The following RAD54L2 variants were observed in gnomAD, a reference collection of about 807,000 sequenced individuals.
RAD54L2 encodes the protein RAD54 like 2.
A neutral mutation model predicts 138.4 loss-of-function variants in RAD54L2; 27 were observed. That is an observed-to-expected ratio of 0.20 (90% CI 0.14 to 0.27). The LOEUF is 0.27. Among genes scored for constraint, RAD54L2 ranks in the 10% least tolerant of loss-of-function variants. The probability of loss-of-function intolerance (pLI) is 1.00; values close to 1 mark genes in which losing one functional copy is unlikely to be tolerated. For synonymous variants in RAD54L2, 644 were observed against 723.2 expected (o/e 0.89, Z 1.76); for missense variants, 1,396 against 1,890.2 (o/e 0.74, Z 4.85).
In RAD54L2 at chr3:51,665,057, A is replaced by T. The variant is rs1258836563; in HGVS notation, c.*1637A>T. ...GAGCCCTAAGTCTGGGTTTTATCTT[A>T]AAAGAACACACCAGTCATTCTGGGT... On this transcript the variant is annotated 3_prime_UTR_variant, in exon 23 of 23. Transcript: ENST00000684192. 6.6e-6 allele frequency: 1 copy of T among 152,146 alleles called. No individual in the cohort carries two copies. Among genetic ancestry groups the T allele is most frequent in the Non-Finnish European group, 1.5e-5 (1 of 68,028 alleles). The allele number at this position is 152,146 out of a possible 1,614,324, so 9.4% of individuals were successfully genotyped here. A position where few individuals can be genotyped will look rare whatever the true frequency, so the allele number is the denominator to read the frequency against.
Position 51,645,680 on chromosome 3 carries a change from C to G in RAD54L2, c.2746C>G (p.Pro916Ala). Residue 916 changes from proline (P) to alanine (A), a missense_variant, in exon 18 of 23, where the codon CCC becomes GCC. By Grantham distance (27) the Pro-to-Ala change is conservative (BLOSUM62 -1). Around this residue, in one of 7 missense-constraint regions of RAD54L2, gnomAD observed 78 missense variants for 171.6 expected, o/e 0.45. Transcript: ENST00000684192. This position sits in a 1 kb window ranked among gnomAD's most constrained non-coding sequence, Gnocchi z 6.1. ...LLHFVEKEPA[P>A]QVSLNVKGIK... ...GCACTTTGTTGAGAAGGAGCCAGCTCCCCAAGTTTCCTTGAACGTAAAGGG... is the reference window on the plus strand; with the variant it reads ...GCACTTTGTTGAGAAGGAGCCAGCTGCCCAAGTTTCCTTGAACGTAAAGGG... 1 of 1,612,428 alleles carries G rather than the reference C, an allele frequency of 6.2e-7. No homozygotes were observed. Among genetic ancestry groups the G allele is most frequent in the South Asian group, 1.1e-5 (1 of 90,520 alleles).
intron 3 of RAD54L2, among the ~76,000 whole-genome samples, chr3:51,594,860 CTTTTTTTTTTTTTT>C (rs71278623): frequency 5.1e-4 from 17 of 33,600 alleles, no homozygotes; most frequent in Admixed American, 3.5e-3. Flanking sequence ...TTGATGGGCG[CTTTTTTTTTTTTTT>C]TTTTTTTTTT....
At chr3:51,605,451 GTTT>G (rs56187003) in intron 3 of RAD54L2, among the ~76,000 whole-genome samples, 2 of 109,244 alleles carry the variant, frequency 1.8e-5, no homozygotes, top group Non-Finnish European at 3.4e-5. Flanking sequence ...GAATTTGAGG[GTTT>G]TTTTTTTTTT....
At chr3:51,571,184 A>T (rs1699330021) in intron 2 of RAD54L2, among the ~76,000 whole-genome samples, 1 of 151,468 alleles carries the variant, frequency 6.6e-6, no homozygotes, top group Non-Finnish European at 1.5e-5. Context: ...TTTGATCATC[A>T]TTTTTTTTCT....
intron 3 of RAD54L2, among the ~76,000 whole-genome samples, chr3:51,617,678 T>A (rs1170137778): frequency 6.6e-6 from 1 of 152,084 alleles, no homozygotes; most frequent in African/African-American, 2.4e-5. Flanking sequence ...GAGTTTAAGA[T>A]CAGCCTGGGC....
intron 19 of RAD54L2, among the ~76,000 whole-genome samples, chr3:51,653,961 A>G (rs895174730): frequency 6.6e-6 from 1 of 152,150 alleles, no homozygotes; most frequent in Non-Finnish European, 1.5e-5. Context: ...AAACTTGACA[A>G]ATGAGGTTCC....
At chr3:51,570,889 T>G (rs910544052) in intron 2 of RAD54L2, among the ~76,000 whole-genome samples, 1 of 152,150 alleles carries the variant, frequency 6.6e-6, no homozygotes, top group African/African-American at 2.4e-5. Context: ...TGGCATGATC[T>G]TGGCCCACTA....
rs763939768 is a variant in RAD54L2 at position 51,567,941 on chromosome 3, C to CAAA, written c.-54-22408_-54-22406dup. ...TGGGTGACAGAGCAAGACCCTGTCT[C>CAAA]AAAAAAAAAAAAAAAAAAAAGAATG... On this transcript the variant is annotated intron_variant, in intron 2 of 22. Coordinates refer to ENST00000684192, the MANE Select transcript of RAD54L2 (RefSeq NM_015106.4). Among the ~76,000 whole-genome samples the CAAA allele has an allele frequency of 5.5e-3, 449 of 81,658 alleles. 2 individuals are homozygous for CAAA. Among genetic ancestry groups the CAAA allele is most frequent in the African/African-American group, 0.019 (416 of 22,436 alleles). 53.6% of individuals were successfully genotyped at this position (81,658 alleles called of 152,430 possible).
At chr3:51,622,997 C>T (rs754406580) in intron 3 of RAD54L2, among the ~76,000 whole-genome samples, 6 of 152,346 alleles carry the variant, frequency 3.9e-5, no homozygotes, top group African/African-American at 9.6e-5. Flanking sequence ...TGTTACTGCT[C>T]TTGGGCACTT....
intron 18 of RAD54L2, among the ~76,000 whole-genome samples, chr3:51,646,017 A>AG (rs1490608357): frequency 1.3e-5 from 2 of 152,152 alleles, no homozygotes. Flanking sequence ...GCAGAAAGAG[A>AG]GGGGGAAAGT....
At chr3:51,630,635 G>A in intron 6 of RAD54L2, 70 bp from the exon 7 acceptor site, 1 of 1,302,400 alleles carries the variant, frequency 7.7e-7, no homozygotes, top group African/African-American at 1.5e-5. Context: ...GTAGTCTTCT[G>A]CTCTGACTGT....
rs554126021 is a variant in RAD54L2 at position 51,579,282 on chromosome 3, G to T, written c.-54-11085G>T. Among the ~76,000 whole-genome samples, 286 of 151,680 alleles carry T rather than the reference G, an allele frequency of 1.9e-3. 6 individuals carry two copies. The South Asian group carries it at 0.056, about 29-fold the overall frequency. On this transcript the variant is annotated intron_variant, in intron 2 of 22. Coordinates refer to ENST00000684192, the MANE Select transcript of RAD54L2 (RefSeq NM_015106.4). ...CCTGGGATTTTTATGGGTGCAGGAT[G>T]GGGGGCAGGGCGGGCCATGGGTGGT...
At chr3:51,542,661 C>G (rs1448326317) in intron 2 of RAD54L2, among the ~76,000 whole-genome samples, 1 of 152,080 alleles carries the variant, frequency 6.6e-6, no homozygotes, top group Non-Finnish European at 1.5e-5. Flanking sequence ...GATGGGGTTT[C>G]ATCGTGTTAG....
chr3:51,643,831 T>G, intron 15 of RAD54L2, 44 bp from the exon 16 acceptor site: 1 of 1,444,012 alleles, frequency 6.9e-7, no homozygotes, highest in Non-Finnish European at 9.6e-7. Context: ...CTGTATATCC[T>G]TGCTCTAATA....
Position 51,663,261 on chromosome 3 carries a change from C to G in RAD54L2, c.4245C>G (p.Ile1415Met). 1 of 1,613,984 alleles carries G rather than the reference C, an allele frequency of 6.2e-7. No homozygotes were observed. Among genetic ancestry groups the G allele is most frequent in the Non-Finnish European group, 8.5e-7 (1 of 1,179,886 alleles). ...LPSNLSRGMS[I>M]YPGYMSPHAG... ...GCAACCTTTCGCGGGGCATGTCTAT[C>G]TATCCAGGCTACATGTCCCCACATG... The change falls in exon 23 of 23, where the codon ATC becomes ATG. Residue 1415 changes from isoleucine (I) to methionine (M), a missense_variant. Transcript: ENST00000684192.
Position 51,662,865 on chromosome 3 carries a change from G to A in RAD54L2, c.3849G>A (p.Pro1283=), listed in dbSNP as rs369815376. 3.0e-5 allele frequency: 49 copies of A among 1,613,486 alleles called. No homozygotes were observed. Among genetic ancestry groups the A allele is most frequent in the Admixed American group, 5.0e-5 (3 of 59,974 alleles). ...GTCATCTGCCAGCCCCCGTGCAGCC[G>A]TATGAACACGGGTATCCAGTCTCTG... ...RKGHLPAPVQ[P]YEHGYPVSGG... The change falls in exon 23 of 23, where the codon CCG becomes CCA. Residue 1283 remains proline (P), a synonymous_variant. Coordinates refer to ENST00000684192, the MANE Select transcript of RAD54L2 (RefSeq NM_015106.4). The surrounding 1 kb of genome is among the most constrained non-coding windows in gnomAD (Gnocchi z 4.6).
intron 3 of RAD54L2, among the ~76,000 whole-genome samples, chr3:51,618,324 A>G (rs1319413598): frequency 6.6e-6 from 1 of 151,872 alleles, no homozygotes; most frequent in Admixed American, 6.6e-5. Context: ...GTGTCTTTTG[A>G]GGAGCAGAGG....
intron 2 of RAD54L2, among the ~76,000 whole-genome samples, chr3:51,545,056 TTATCTG>T (rs1366823665): frequency 6.6e-6 from 1 of 152,218 alleles, no homozygotes; most frequent in African/African-American, 2.4e-5. Context: ...GACTATAAAA[TTATCTG>T]TATCCGTTTT....
chr3:51,651,019 CA>C (rs1201965604), intron 19 of RAD54L2, among the ~76,000 whole-genome samples: 2 of 151,676 alleles, frequency 1.3e-5, no homozygotes, highest in African/African-American at 2.4e-5. Context: ...AAAAGAGCAA[CA>C]AAATAGATAG....
Sources: allele counts gnomAD v4.1 joint callset (sites outside exome capture counted in the v4.1 genomes callset), GRCh38; gene constraint gnomAD v4.1.1; regional missense constraint gnomAD v4.1.1; non-coding constraint Gnocchi (gnomAD v3.1); transcripts MANE v1.5; gene names NCBI Gene and HGNC (gene_info 2026-07-23, HGNC 2026-07-21).